Variants in CPQ observed in about 807,000 individuals in gnomAD.
CPQ encodes Ser-Met dipeptidase.
A neutral mutation model predicts 45.7 loss-of-function variants in CPQ; 37 were observed. That is an observed-to-expected ratio of 0.81 (90% CI 0.62 to 1.07). The LOEUF (loss-of-function observed/expected upper bound fraction) is 1.07, where lower values mean the gene tolerates loss of function less well. Among genes scored for constraint, CPQ ranks in the 50% least tolerant of loss-of-function variants. CPQ has a pLI of 0.00. For missense variants in CPQ, 537 were observed against 572.9 expected (o/e 0.94, Z 0.64); for synonymous variants, 186 against 205.8 (o/e 0.90, Z 0.82).
rs1194025870 is a variant in CPQ, at chr8:96,866,369, G to A, written c.642-13429G>A. The stretch of plus-strand genomic sequence containing the variant: ...GTTGGCAGTTTTAAGACATTATACC[G>A]GGTAGTTTAGGGAAATTTCTCAGCA... On this transcript the variant is annotated intron_variant, in intron 3 of 7. Coordinates refer to ENST00000220763, the MANE Select transcript of CPQ (RefSeq NM_016134.4). 3.9e-5 allele frequency among the ~76,000 whole-genome samples: 6 copies of A among 152,002 alleles called. 1 individual carries two copies. Among genetic ancestry groups the A allele is most frequent in the Admixed American group, 1.3e-4 (2 of 15,242 alleles).
intron 1 of CPQ, among the ~76,000 whole-genome samples, chr8:96,719,478 C>T (rs908538120): frequency 1.1e-4 from 16 of 152,224 alleles, no homozygotes; most frequent in Admixed American, 4.6e-4. Flanking sequence ...CTCCACACCT[C>T]CCTGCAAGCT....
At chr8:97,036,088 TG>T (rs1258655616) in intron 6 of CPQ, among the ~76,000 whole-genome samples, 1 of 152,160 alleles carries the variant, frequency 6.6e-6, no homozygotes, top group Non-Finnish European at 1.5e-5. Context: ...ATGAGGTTTG[TG>T]GGGCTGTTCA....
intron 1 of CPQ, among the ~76,000 whole-genome samples, chr8:96,758,234 C>G (rs1223992992): frequency 3.9e-5 from 6 of 152,078 alleles, no homozygotes; most frequent in Non-Finnish European, 8.8e-5. Context: ...GTGTAGGAGC[C>G]CATGACTGCA....
chr8:97,096,074 A>G (rs1811206460), intron 7 of CPQ, among the ~76,000 whole-genome samples: 1 of 152,178 alleles, frequency 6.6e-6, no homozygotes, highest in Non-Finnish European at 1.5e-5. Flanking sequence ...GATGATGATG[A>G]TGATGATAGC....
chr8:96,735,133 T>G (rs897744516), intron 1 of CPQ, among the ~76,000 whole-genome samples: 2 of 152,236 alleles, frequency 1.3e-5, no homozygotes, highest in African/African-American at 4.8e-5. Context: ...TTCAGGACAC[T>G]TATCACAATT....
intron 4 of CPQ, among the ~76,000 whole-genome samples, chr8:96,943,858 AG>A (rs1308730077): frequency 1.3e-5 from 2 of 152,162 alleles, no homozygotes; most frequent in Non-Finnish European, 2.9e-5. Flanking sequence ...GGTTTGACAA[AG>A]TAATAGTTAT....
Position 96,985,269 on chromosome 8 carries a change from GTT to G in CPQ, c.961+19233_961+19234del, listed in dbSNP as rs35640819. On this transcript the variant is annotated intron_variant, in intron 5 of 7. Transcript: ENST00000220763. ...CAATCTGAGAACTGGGAGCTCTTATGTTTTTTTTTTTAATTCAGTAATGTCAT... is the reference window on the plus strand; with the variant it reads ...CAATCTGAGAACTGGGAGCTCTTATGTTTTTTTTTAATTCAGTAATGTCAT... Among the ~76,000 whole-genome samples the G allele has an allele frequency of 1.7e-3, 256 of 147,372 alleles. 3 individuals are homozygous for G. Among genetic ancestry groups the G allele is most frequent in the Admixed American group, 0.013 (193 of 14,838 alleles).
chr8:96,696,843 A>T (rs1257402218), intron 1 of CPQ, among the ~76,000 whole-genome samples: 3 of 152,204 alleles, frequency 2.0e-5, no homozygotes, highest in Non-Finnish European at 4.4e-5. Flanking sequence ...AATCAGATCA[A>T]TAACAAGTAA....
intron 4 of CPQ, among the ~76,000 whole-genome samples, chr8:96,955,894 A>G (rs540834205): frequency 6.6e-6 from 1 of 152,314 alleles, no homozygotes; most frequent in African/African-American, 2.4e-5. Context: ...GAAAGACTTA[A>G]ATGTTAGACC....
chr8:96,700,448 C>T (rs1005920490), intron 1 of CPQ, among the ~76,000 whole-genome samples: 2 of 151,986 alleles, frequency 1.3e-5, no homozygotes, highest in African/African-American at 2.4e-5. Flanking sequence ...GGGTTGAGTG[C>T]GTGGACCAGT....
chr8:97,086,286 CA>C (rs1181113607), intron 7 of CPQ, among the ~76,000 whole-genome samples: 9 of 152,120 alleles, frequency 5.9e-5, no homozygotes, highest in African/African-American at 2.2e-4. Flanking sequence ...ATAGAATGCT[CA>C]GGGGGTAAAG....
intron 4 of CPQ, among the ~76,000 whole-genome samples, chr8:96,964,680 T>C (rs1010829761): frequency 5.3e-5 from 8 of 152,178 alleles, no homozygotes; most frequent in African/African-American, 9.6e-5. Flanking sequence ...AACCAATGTG[T>C]GAGGATCTCA....
chr8:97,025,226 C>G (rs1809777393), intron 5 of CPQ, among the ~76,000 whole-genome samples: 1 of 152,008 alleles, frequency 6.6e-6, no homozygotes, highest in South Asian at 2.1e-4. Context: ...AAAAAAAGTC[C>G]AAAGAGATCT....
At chr8:97,031,910 C>T (rs1367341073) in intron 6 of CPQ, among the ~76,000 whole-genome samples, 1 of 152,154 alleles carries the variant, frequency 6.6e-6, no homozygotes, top group Non-Finnish European at 1.5e-5. Flanking sequence ...CATGATACAG[C>T]CAATTTCAAA....
chr8:96,679,883 G>A (rs557030946), intron 1 of CPQ, among the ~76,000 whole-genome samples: 14 of 151,116 alleles, frequency 9.3e-5, no homozygotes, highest in Admixed American at 4.6e-4. Context: ...TCATTTCATC[G>A]ATCCTTTGTA....
chr8:96,911,997 T>G (rs1312887698), intron 4 of CPQ, among the ~76,000 whole-genome samples: 1 of 152,130 alleles, frequency 6.6e-6, no homozygotes, highest in African/African-American at 2.4e-5. Context: ...ATCTGTAAAG[T>G]GATGATAACG....
Position 96,785,297 on chromosome 8 carries a change from G to T in CPQ, c.400G>T (p.Gly134Cys). Reference protein sequence around the residue: ...EPRIHKIAILGLGSSIGTPPE... With the variant: ...EPRIHKIAILCLGSSIGTPPE... ...AAGAATTCATAAGATAGCCATCCTG[G>T]GTCTTGGCAGCAGCATTGGGACTCC... Residue 134 changes from glycine (G) to cysteine (C), a missense_variant, in exon 2 of 8, where the codon GGT becomes TGT. Physicochemically the swap from Gly to Cys is radical, Grantham distance 159 (BLOSUM62 -3). Transcript: ENST00000220763. 1 of 1,610,980 alleles carries T rather than the reference G, an allele frequency of 6.2e-7. No homozygotes were observed. Among genetic ancestry groups the T allele is most frequent in the Non-Finnish European group, 8.5e-7 (1 of 1,177,934 alleles).
rs1376642728 is a variant in CPQ, at chr8:97,040,155, A to C, written c.1053+10661A>C. Among the ~76,000 whole-genome samples the C allele has an allele frequency of 7.5e-5, 11 of 147,516 alleles. No individual in the cohort carries two copies. In the South Asian group the frequency reaches 1.5e-3, roughly 20 times the overall value. On this transcript the variant is annotated intron_variant, in intron 6 of 7. Transcript: ENST00000220763. ...CCTCTCCAGCACCTGTTGTTTCCTG[A>C]CTTTTTAATGATTGCCATTCTAACT... is the stretch of plus-strand genomic sequence containing the variant.
intron 6 of CPQ, chr8:97,056,407 A>T (rs1405507527): frequency 6.6e-6 from 1 of 152,196 alleles, no homozygotes; most frequent in Non-Finnish European, 1.5e-5. Flanking sequence ...ATTGGTCAGG[A>T]GGATGAGAAA....
Sources: gnomAD v4.1 joint callset for allele counts (sites outside exome capture counted in the v4.1 genomes callset) on GRCh38, gnomAD v4.1.1 for gene constraint, MANE v1.5 for transcripts, NCBI Gene and HGNC (gene_info 2026-07-23, HGNC 2026-07-21) for gene names.